The following SLC35D4 variants were observed in gnomAD, a reference collection of about 807,000 sequenced individuals.
The protein encoded by SLC35D4 is UDP-N-acetylglucosamine transporter SLC35D4.
the SLC35D4 span, among the ~76,000 whole-genome samples, chr18:23,411,483 T>TGAA: frequency 1.1e-5 from 1 of 91,730 alleles, no homozygotes; most frequent in Non-Finnish European, 2.3e-5. Flanking sequence ...AAGAAAGAGA[T>TGAA]AGAAAGAAAG....
the SLC35D4 span, among the ~76,000 whole-genome samples, chr18:23,301,423 A>G: frequency 1.3e-5 from 2 of 152,146 alleles, no homozygotes. Context: ...TTCTATACAT[A>G]GGTTTGGGCA....
chr18:23,249,317 T>C, the SLC35D4 span, among the ~76,000 whole-genome samples: 2 of 151,880 alleles, frequency 1.3e-5, no homozygotes, highest in Non-Finnish European at 2.9e-5. Context: ...GATAATAGAG[T>C]AGAATGGAGG....
At chr18:23,407,298 A>T in the SLC35D4 span, among the ~76,000 whole-genome samples, 1 of 152,196 alleles carries the variant, frequency 6.6e-6, no homozygotes, top group African/African-American at 2.4e-5. Flanking sequence ...ACCTCAATAA[A>T]TGCTGCCCTT....
the SLC35D4 span, among the ~76,000 whole-genome samples, chr18:23,363,224 G>A: frequency 7.4e-6 from 1 of 134,240 alleles, no homozygotes; most frequent in East Asian, 2.3e-4. Context: ...AGCCTGGCCA[G>A]CCTGGGCAAC....
chr18:23,264,487 T>C, the SLC35D4 span, among the ~76,000 whole-genome samples: 1 of 150,148 alleles, frequency 6.7e-6, no homozygotes, highest in East Asian at 2.0e-4. Flanking sequence ...CCCAGCCTCC[T>C]GAGTAGCTGG....
At chr18:23,343,458 C>T in the SLC35D4 span, among the ~76,000 whole-genome samples, 2 of 152,052 alleles carry the variant, frequency 1.3e-5, no homozygotes, top group Non-Finnish European at 2.9e-5. Context: ...TCAGGCTGGT[C>T]TCAAACTCCC....
At chr18:23,410,446 C>A in the SLC35D4 span, among the ~76,000 whole-genome samples, 3 of 151,246 alleles carry the variant, frequency 2.0e-5, no homozygotes, top group South Asian at 2.1e-4. Context: ...CTACTGCACT[C>A]CAGCCTGGGC....
chr18:23,244,557 T>C, the SLC35D4 span, among the ~76,000 whole-genome samples: 1 of 152,220 alleles, frequency 6.6e-6, no homozygotes, highest in South Asian at 2.1e-4. Context: ...GTTAGATAGA[T>C]TTAGTCGAGG....
the SLC35D4 span, among the ~76,000 whole-genome samples, chr18:23,279,911 C>T: frequency 6.6e-6 from 1 of 152,184 alleles, no homozygotes; most frequent in Non-Finnish European, 1.5e-5. Context: ...ATGTCTGTTG[C>T]CCAGGCTAGT....
chr18:23,437,786 T>A, the SLC35D4 span: 239 of 1,611,180 alleles, frequency 1.5e-4, no homozygotes, highest in Non-Finnish European at 1.8e-4. Flanking sequence ...CTCACCTTGT[T>A]CGTGAGGTAA....
chr18:23,315,819 T>A, the SLC35D4 span, among the ~76,000 whole-genome samples: 1 of 152,146 alleles, frequency 6.6e-6, no homozygotes, highest in South Asian at 2.1e-4. Flanking sequence ...ACCAACTGAC[T>A]GGGGCCTGGG....
chr18:23,275,133 T>A, the SLC35D4 span, among the ~76,000 whole-genome samples: 70 of 151,992 alleles, frequency 4.6e-4, no homozygotes, highest in African/African-American at 1.5e-3. Context: ...TGTGCTTGTG[T>A]GAGTGCTTGT....
At chr18:23,371,437 G>T in the SLC35D4 span, 1 of 1,593,524 alleles carries the variant, frequency 6.3e-7, no homozygotes, top group South Asian at 1.1e-5. Flanking sequence ...CAGAGTAAGT[G>T]AATTATAGCC....
chr18:23,245,862 T>A, the SLC35D4 span, among the ~76,000 whole-genome samples: 1 of 152,252 alleles, frequency 6.6e-6, no homozygotes, highest in Non-Finnish European at 1.5e-5. Context: ...AAAACACAAC[T>A]GCCTGCTGCA....
chr18:23,264,353 CTTTTTTTTTTTTTTTT>C, the SLC35D4 span, among the ~76,000 whole-genome samples: 1 of 56,064 alleles, frequency 1.8e-5, no homozygotes, highest in Non-Finnish European at 3.6e-5. Flanking sequence ...CACTTTATTC[CTTTTTTTTTTTTTTTT>C]TTTTTTTTTT....
chr18:23,280,596 G>GGA, the SLC35D4 span, among the ~76,000 whole-genome samples: 1 of 152,172 alleles, frequency 6.6e-6, no homozygotes, highest in South Asian at 2.1e-4. Flanking sequence ...GGGGAGAAGA[G>GGA]GACAGCTGCC....
the SLC35D4 span, among the ~76,000 whole-genome samples, chr18:23,316,658 G>C: frequency 1.4e-5 from 2 of 138,650 alleles, no homozygotes; most frequent in Admixed American, 1.4e-4. Flanking sequence ...ACACAGATGA[G>C]GAACAAAAGG....
chr18:23,371,601 C>T, the SLC35D4 span: 13 of 605,894 alleles, frequency 2.1e-5, no homozygotes, highest in East Asian at 2.4e-4. Flanking sequence ...CTCCTGGGGC[C>T]GTACATCAGT....
the SLC35D4 span, among the ~76,000 whole-genome samples, chr18:23,321,413 C>A: frequency 6.6e-6 from 1 of 152,008 alleles, no homozygotes; most frequent in African/African-American, 2.4e-5. Context: ...CTCAGCCAAC[C>A]ACTATTTCCC....
Sources: gnomAD v4.1 joint callset for allele counts (sites outside exome capture counted in the v4.1 genomes callset) on GRCh38, gnomAD v4.1.1 for gene constraint, MANE v1.5 for transcripts, NCBI Gene and HGNC (gene_info 2026-07-23, HGNC 2026-07-21) for gene names.